The following COG7 variants were observed in gnomAD, a reference collection of about 807,000 sequenced individuals.
COG7 encodes the protein component of oligomeric golgi complex 7.
A neutral mutation model predicts 91.5 loss-of-function variants in COG7; 49 were observed. That is an observed-to-expected ratio of 0.54 (90% confidence interval 0.43 to 0.68). The LOEUF (loss-of-function observed/expected upper bound fraction) is 0.68. Ranked by LOEUF, COG7 falls within the 30% of genes least tolerant of loss-of-function variation. COG7 has a pLI of 0.00. For synonymous variants in COG7, 365 were observed against 388.7 expected (o/e 0.94, Z 0.72); for missense variants, 895 against 961.3 (o/e 0.93, Z 0.91).
chr16:23,433,785 C>A, intron 5 of COG7, 118 bp from the exon 6 acceptor site: 1 of 1,149,744 alleles, frequency 8.7e-7, no homozygotes, highest in South Asian at 1.3e-5. Context: ...CACTGGGCAG[C>A]CCAGTGAGGT....
At chr16:23,450,830 CAA>C (rs1312085477) in intron 1 of COG7, among the ~76,000 whole-genome samples, 1 of 139,864 alleles carries the variant, frequency 7.1e-6, no homozygotes, top group Non-Finnish European at 1.6e-5. Context: ...GACCCTGTCT[CAA>C]AAAAAAAAAG....
chr16:23,416,770 T>C (rs1374353067), intron 9 of COG7, 197 bp downstream of exon 9: 9 of 643,082 alleles, frequency 1.4e-5, no homozygotes, highest in African/African-American at 3.6e-5. Context: ...CCTTCCCTAA[T>C]GGGTAGACAT....
intron 4 of COG7, among the ~76,000 whole-genome samples, chr16:23,438,879 C>T (rs558071542): frequency 4.3e-4 from 65 of 151,868 alleles, no homozygotes; most frequent in Non-Finnish European, 8.2e-4. Context: ...ACCATATGGC[C>T]GGGTGTGGTG....
intron 4 of COG7, among the ~76,000 whole-genome samples, chr16:23,440,510 ATT>A (rs5816213): frequency 2.7e-5 from 4 of 146,700 alleles, no homozygotes; most frequent in South Asian, 2.1e-4. Flanking sequence ...AACAAAACCT[ATT>A]TTTTTTTTTT....
intron 11 of COG7, among the ~76,000 whole-genome samples, chr16:23,407,025 A>G (rs1188943821): frequency 6.6e-6 from 1 of 152,236 alleles, no homozygotes; most frequent in Non-Finnish European, 1.5e-5. Flanking sequence ...ACACATTATG[A>G]CACATCCCAA....
chr16:23,418,063 A>AT (rs1420733758), intron 8 of COG7, among the ~76,000 whole-genome samples: 1 of 152,224 alleles, frequency 6.6e-6, no homozygotes, highest in Admixed American at 6.5e-5. Context: ...AGCATTGCCC[A>AT]TGAGTGCTAA....
rs1215725616 is a variant in COG7, at chr16:23,403,833, T to C, written c.1664A>G (p.Glu555Gly). ...CAGGTTGTGGTTGCTTGACCCTTTT[T>C]CCTAAGACAAGAAAATGCAAAAGGC... Reference protein sequence around the residue: ...SLMEILYTLKEKGSSNHNLLA... With the variant: ...SLMEILYTLKGKGSSNHNLLA... Residue 555 changes from glutamate to glycine, a missense_variant and splice_region_variant, in exon 13 of 17, where the codon GAA (glutamate) becomes GGA (glycine). Coordinates refer to ENST00000307149, the MANE Select transcript of COG7 (RefSeq NM_153603.4). The C allele has an allele frequency of 1.9e-6, 3 of 1,614,016 alleles. No homozygotes were observed. The highest frequency in any genetic ancestry group is 2.7e-5 in the African/African-American group (2 of 74,912).
intron 9 of COG7, 84 bp downstream of exon 9, chr16:23,416,883 A>G: frequency 6.6e-7 from 1 of 1,520,966 alleles, no homozygotes; most frequent in African/African-American, 1.4e-5. Flanking sequence ...GGGTTCAGAG[A>G]ACAAATACAG....
At chr16:23,389,147 C>A in intron 16 of COG7, 61 bp from the exon 17 acceptor site, 2 of 1,576,426 alleles carry the variant, frequency 1.3e-6, no homozygotes, top group Non-Finnish European at 1.7e-6. Flanking sequence ...CAGGTCAGAG[C>A]CCCACAGGGC....
At chr16:23,424,725 G>A (rs772744077) in intron 7 of COG7, 24 bp downstream of exon 7, 10 of 1,612,274 alleles carry the variant, frequency 6.2e-6, no homozygotes, top group Non-Finnish European at 7.6e-6. Context: ...ACAAGCTAGA[G>A]AACTGGCAGG....
intron 13 of COG7, among the ~76,000 whole-genome samples, chr16:23,398,821 A>G (rs532946012): frequency 8.8e-4 from 134 of 152,240 alleles, no homozygotes; most frequent in Non-Finnish European, 1.5e-3. Flanking sequence ...GTGCGAGGAG[A>G]ACCTCAGCAC....
intron 1 of COG7, among the ~76,000 whole-genome samples, chr16:23,452,070 T>C (rs1433010566): frequency 6.6e-6 from 1 of 152,202 alleles, no homozygotes; most frequent in Non-Finnish European, 1.5e-5. Flanking sequence ...TAACAGAAAC[T>C]GGAGTTGTTT....
At chr16:23,442,985 G>A (rs1487119224) in intron 3 of COG7, among the ~76,000 whole-genome samples, 1 of 151,144 alleles carries the variant, frequency 6.6e-6, no homozygotes, top group Non-Finnish European at 1.5e-5. Flanking sequence ...AGTTAGCCAA[G>A]ATCACACCAC....
Position 23,391,882 on chromosome 16 carries a change from G to A in COG7, c.2146+498C>T, listed in dbSNP as rs189609549. 101 of 503,642 alleles carry A rather than the reference G, an allele frequency of 2.0e-4. 1 individual carries two copies. The highest frequency in any genetic ancestry group is 1.0e-3 in the South Asian group (21 of 20,660). The allele number at this position is 503,642 out of a possible 1,614,324, so 31.2% of individuals were successfully genotyped here. On this transcript the variant is annotated intron_variant, in intron 16 of 16. Coordinates refer to ENST00000307149, the MANE Select transcript of COG7 (RefSeq NM_153603.4). Reference sequence around the variant, plus strand: ...GCTATCTGGATGGAGACCACAAAGTGACCCTGGCCACATGGCCTTGTTATG... The same window carrying A: ...GCTATCTGGATGGAGACCACAAAGTAACCCTGGCCACATGGCCTTGTTATG...
intron 16 of COG7, among the ~76,000 whole-genome samples, chr16:23,390,906 G>C (rs2094243648): frequency 6.6e-6 from 1 of 152,248 alleles, no homozygotes; most frequent in African/African-American, 2.4e-5. Context: ...TTGACTGTCA[G>C]CCAAGAGCTG....
At chr16:23,449,191 G>A (rs924585908) in intron 1 of COG7, among the ~76,000 whole-genome samples, 3 of 151,380 alleles carry the variant, frequency 2.0e-5, no homozygotes, top group African/African-American at 4.9e-5. Context: ...GTGAAACCCC[G>A]TCTCTACTAA....
chr16:23,440,860 T>C (rs1230088626), intron 4 of COG7, among the ~76,000 whole-genome samples: 2 of 151,956 alleles, frequency 1.3e-5, no homozygotes, highest in African/African-American at 4.8e-5. Flanking sequence ...GCATATATGC[T>C]CCGGAACAGA....
At position 23,389,190 on chromosome 16, in the gene COG7, G is replaced by A. The variant is rs1180800888; in HGVS notation, c.2147-104C>T. On this transcript the variant is annotated intron_variant, in intron 16 of 16. Transcript: ENST00000307149. ...GAATACGACACAGAGAAGCTGCCCT[G>A]CCAAGTCCCTAGATGTGGGGCGCCA... 11 of 1,383,498 alleles carry A rather than the reference G, an allele frequency of 8.0e-6. No individual in the cohort carries two copies. In the African/African-American group the frequency reaches 1.0e-4, roughly 13 times the overall value. 85.7% of individuals were successfully genotyped at this position (1,383,498 alleles called of 1,614,324 possible).
chr16:23,453,042 G>T lies in COG7; in HGVS notation c.-48C>A. 6.2e-7 allele frequency: 1 copy of T among 1,610,906 alleles called. No homozygotes were observed. Among genetic ancestry groups the T allele is most frequent in the Non-Finnish European group, 8.5e-7 (1 of 1,178,274 alleles). ...CGTCCAGAACTTAAGAGTTGGCTCCGGGCGGCAACGGGGATGCAGAAGCGA... is the reference window on the plus strand; with the variant it reads ...CGTCCAGAACTTAAGAGTTGGCTCCTGGCGGCAACGGGGATGCAGAAGCGA... On this transcript the variant is annotated 5_prime_UTR_variant, in exon 1 of 17. Transcript: ENST00000307149.
Sources: gnomAD v4.1 joint callset for allele counts (sites outside exome capture counted in the v4.1 genomes callset) on GRCh38, gnomAD v4.1.1 for gene constraint, MANE v1.5 for transcripts, NCBI Gene and HGNC (gene_info 2026-07-23, HGNC 2026-07-21) for gene names.